BMPR1B: variants seen among roughly 807,000 people sequenced by gnomAD.
BMPR1B encodes the protein bone morphogenetic protein receptor type-1B.
BMPR1B carries 12 observed loss-of-function variants against 59.1 expected under a neutral mutation model. The observed-to-expected ratio is 0.20, with a 90% CI of 0.13 to 0.33. The LOEUF is 0.33. Among genes scored for constraint, BMPR1B ranks in the 10% least tolerant of loss-of-function variants. The pLI is 1.00. For synonymous variants in BMPR1B, 237 were observed against 207.3 expected, an observed-to-expected ratio of 1.14 and a Z score of -1.23; for missense variants, 550 against 610.9, an observed-to-expected ratio of 0.90 and a Z score of 1.05.
intron 1 of BMPR1B, among the ~76,000 whole-genome samples, chr4:94,760,775 C>T (rs1167157336): frequency 2.6e-5 from 4 of 152,180 alleles, no homozygotes; most frequent in Non-Finnish European, 4.4e-5. Context: ...ATGCCCAGCA[C>T]AGTACCTGGT....
At chr4:94,963,564 A>G (rs1303524606) in intron 2 of BMPR1B, among the ~76,000 whole-genome samples, 1 of 152,184 alleles carries the variant, frequency 6.6e-6, no homozygotes, top group Non-Finnish European at 1.5e-5. Context: ...GCATATGAAT[A>G]ACCAGTTTTT....
In BMPR1B at chr4:95,015,575, T is replaced by G. The variant is rs1723527175; in HGVS notation, c.-18+19441T>G. On this transcript the variant is annotated intron_variant, in intron 3 of 12. Coordinates refer to ENST00000515059, the MANE Select transcript of BMPR1B (RefSeq NM_001203.3). The stretch of plus-strand genomic sequence containing the variant: ...TCATTTTTTAATTTTTTTGTAGAGA[T>G]AGGGTCTCACTGTGTTGCCCAGGCT... Among the ~76,000 whole-genome samples the G allele has an allele frequency of 2.0e-5, 3 of 152,012 alleles. No individual in the cohort carries two copies. In the South Asian group the frequency reaches 6.2e-4, roughly 32 times the overall value.
intron 3 of BMPR1B, among the ~76,000 whole-genome samples, chr4:95,075,076 A>G (rs923029926): frequency 6.6e-6 from 1 of 152,170 alleles, no homozygotes; most frequent in Non-Finnish European, 1.5e-5. Context: ...TAAGTAATTT[A>G]CCATCCTGCT....
At chr4:94,855,837 C>T (rs1215237788) in intron 1 of BMPR1B, among the ~76,000 whole-genome samples, 7 of 152,118 alleles carry the variant, frequency 4.6e-5, no homozygotes, top group Admixed American at 4.6e-4. Flanking sequence ...CAGATTTTAA[C>T]TTACATTTAA....
At chr4:95,026,114 C>CTTTCTTTCTTTT (rs1266181124) in intron 3 of BMPR1B, among the ~76,000 whole-genome samples, 2,709 of 142,578 alleles carry the variant, frequency 0.019, 64 homozygotes, top group Non-Finnish European at 0.026. Flanking sequence ...TTCTTTCTTT[C>CTTTCTTTCTTTT]TTTCTTTCTT....
Position 95,129,946 on chromosome 4 carries a change from C to A in BMPR1B, c.670C>A (p.Arg224Ser). Reference sequence around the variant, plus strand: ...TGGGGAAGTTTGGATGGGAAAGTGGCGTGGCGAAAAGGTAGCTGTGAAAGT... The same window carrying A: ...TGGGGAAGTTTGGATGGGAAAGTGGAGTGGCGAAAAGGTAGCTGTGAAAGT... ...RYGEVWMGKW[R>S]GEKVAVKVFF... Residue 224 changes from arginine (R) to serine (S), a missense_variant, in exon 9 of 13, where the codon CGT (arginine) becomes AGT (serine). Arg to Ser is a moderately radical substitution (Grantham distance 110, BLOSUM62 -1). This residue lies in a region of BMPR1B where 318 missense variants were observed against 284.6 expected (regional missense o/e 1.12). Coordinates refer to ENST00000515059, the MANE Select transcript of BMPR1B (RefSeq NM_001203.3). 6.2e-7 allele frequency: 1 copy of A among 1,613,782 alleles called. No individual in the cohort carries two copies. Among genetic ancestry groups the A allele is most frequent in the Non-Finnish European group, 8.5e-7 (1 of 1,179,864 alleles).
At chr4:94,955,953 A>G (rs1269213618) in intron 2 of BMPR1B, among the ~76,000 whole-genome samples, 1 of 152,106 alleles carries the variant, frequency 6.6e-6, no homozygotes, top group East Asian at 1.9e-4. Context: ...TTCTTGCAAT[A>G]GGTCTCTGAG....
chr4:94,821,415 CATAT>C (rs1216849841), intron 1 of BMPR1B, among the ~76,000 whole-genome samples: 1 of 151,924 alleles, frequency 6.6e-6, no homozygotes, highest in African/African-American at 2.4e-5. Context: ...TTAGCTAGAG[CATAT>C]ATAGATATGA....
chr4:95,080,090 T>G (rs557770892), intron 3 of BMPR1B, among the ~76,000 whole-genome samples: 12 of 152,314 alleles, frequency 7.9e-5, no homozygotes, highest in African/African-American at 2.6e-4. Flanking sequence ...AAGCTCTGTT[T>G]AGATCTCAAG....
intron 2 of BMPR1B, among the ~76,000 whole-genome samples, chr4:94,967,659 T>A (rs766652366): frequency 5.1e-4 from 77 of 151,982 alleles, no homozygotes; most frequent in Non-Finnish European, 9.0e-4. Context: ...ATTTTTTGTA[T>A]TTTTAGTAGA....
rs1043446731 is a variant in BMPR1B, at chr4:94,874,758, G to A, written c.-182-1073G>A. ...TGTAATCCCAGGACTTTGGGAGGCCGAGGCGGGTAGATCACTTGAGGTCAG... is the reference window on the plus strand; with the variant it reads ...TGTAATCCCAGGACTTTGGGAGGCCAAGGCGGGTAGATCACTTGAGGTCAG... On this transcript the variant is annotated intron_variant, in intron 1 of 12. Transcript: ENST00000515059. Among the ~76,000 whole-genome samples, 49 of 152,102 alleles carry A rather than the reference G, an allele frequency of 3.2e-4. 1 individual carries two copies. The highest frequency in any genetic ancestry group is 1.1e-3 in the African/African-American group (47 of 41,408).
At chr4:94,951,628 A>T (rs186765608) in intron 2 of BMPR1B, among the ~76,000 whole-genome samples, 1 of 152,228 alleles carries the variant, frequency 6.6e-6, no homozygotes, top group Non-Finnish European at 1.5e-5. Flanking sequence ...GTGGTGGATA[A>T]GGTTTGTGAT....
chr4:94,870,370 C>G (rs1238531642), intron 1 of BMPR1B, among the ~76,000 whole-genome samples: 1 of 138,594 alleles, frequency 7.2e-6, no homozygotes, highest in Non-Finnish European at 1.5e-5. Flanking sequence ...CCCTTTCTCT[C>G]TACTTCCTGC....
At chr4:95,016,704 A>G (rs1367212804) in intron 3 of BMPR1B, among the ~76,000 whole-genome samples, 1 of 152,232 alleles carries the variant, frequency 6.6e-6, no homozygotes, top group African/African-American at 2.4e-5. Flanking sequence ...TGCGGGGTCC[A>G]GGGCAAGAGT....
chr4:95,097,641 G>A (rs1730525722), intron 3 of BMPR1B, among the ~76,000 whole-genome samples: 1 of 152,022 alleles, frequency 6.6e-6, no homozygotes, highest in Non-Finnish European at 1.5e-5. Flanking sequence ...GGGTTCAAGT[G>A]ATTCTCCTGC....
intron 2 of BMPR1B, among the ~76,000 whole-genome samples, chr4:94,879,117 C>T (rs1726859048): frequency 6.6e-6 from 1 of 152,080 alleles, no homozygotes; most frequent in African/African-American, 2.4e-5. Context: ...CGTCATTTAG[C>T]ATTAGGTATA....
At chr4:94,948,882 A>G (rs1316792995) in intron 2 of BMPR1B, among the ~76,000 whole-genome samples, 2 of 152,184 alleles carry the variant, frequency 1.3e-5, no homozygotes, top group African/African-American at 2.4e-5. Context: ...CTTGCCAAGG[A>G]GTGTGGGTGT....
chr4:94,997,215 T>C (rs2149104440), intron 3 of BMPR1B, among the ~76,000 whole-genome samples: 1 of 152,286 alleles, frequency 6.6e-6, no homozygotes, highest in Non-Finnish European at 1.5e-5. Flanking sequence ...TAGATGGTGA[T>C]TATAGGTCCA....
chr4:94,758,620 G>A (rs1721625577), intron 1 of BMPR1B, among the ~76,000 whole-genome samples: 1 of 152,104 alleles, frequency 6.6e-6, no homozygotes, highest in Non-Finnish European at 1.5e-5. Flanking sequence ...GGGGGAAAGT[G>A]CGCAGCGGGC....
Sources: allele counts gnomAD v4.1 joint callset (sites outside exome capture counted in the v4.1 genomes callset), GRCh38; gene constraint gnomAD v4.1.1; regional missense constraint gnomAD v4.1.1; transcripts MANE v1.5; gene names NCBI Gene and HGNC (gene_info 2026-07-23, HGNC 2026-07-21).